Variants in NREP observed in about 807,000 individuals in gnomAD.
The protein encoded by NREP is neuronal regeneration related protein, also known as neuronal regeneration-related protein.
A neutral mutation model predicts 8.6 loss-of-function variants in NREP; 5 were observed. That is an observed-to-expected ratio of 0.58 (90% CI 0.30 to 1.22). The LOEUF (loss-of-function observed/expected upper bound fraction) is 1.22, where lower values mean the gene tolerates loss of function less well. NREP is among the 50% of genes most tolerant of loss of function. NREP has a pLI of 0.07. For missense variants in NREP, 86 were observed against 82.5 expected (o/e 1.04, Z -0.17); for synonymous variants, 27 against 28.0 (o/e 0.96, Z 0.11).
At chr5:111,822,100 A>G (rs1752526065) in intron 2 of NREP, among the ~76,000 whole-genome samples, 1 of 152,218 alleles carries the variant, frequency 6.6e-6, no homozygotes, top group Admixed American at 6.5e-5. Context: ...GGCAAATTCC[A>G]TTTAGTGTGG....
chr5:111,741,434 A>ACT (rs3839287), intron 2 of NREP, among the ~76,000 whole-genome samples: 15,697 of 152,104 alleles, frequency 0.1, 887 homozygotes, highest in East Asian at 0.24. Flanking sequence ...CTCAAAAGCC[A>ACT]CTCTGTTCCC....
intron 2 of NREP, among the ~76,000 whole-genome samples, chr5:111,955,331 C>T (rs975796655): frequency 8.6e-5 from 13 of 151,938 alleles, no homozygotes; most frequent in African/African-American, 3.1e-4. Context: ...AAAATTCACA[C>T]AATGCAGAAG....
chr5:111,742,281 A>C (rs1187903420), intron 2 of NREP, among the ~76,000 whole-genome samples: 1 of 152,148 alleles, frequency 6.6e-6, no homozygotes, highest in Non-Finnish European at 1.5e-5. Flanking sequence ...GCAGACTTTA[A>C]TAGTGGAATC....
intron 2 of NREP, among the ~76,000 whole-genome samples, chr5:111,831,901 T>G (rs889973606): frequency 8.5e-5 from 13 of 152,114 alleles, no homozygotes; most frequent in Non-Finnish European, 1.9e-4. Flanking sequence ...CTTGTGGGGT[T>G]GACATCCCCC....
rs115933619 is a variant in NREP, at chr5:111,888,090, G to A, written c.135+87184C>T. Among the ~76,000 whole-genome samples the A allele has an allele frequency of 6.7e-3, 1,028 of 152,306 alleles. 16 individuals carry two copies. The highest frequency in any genetic ancestry group is 0.024 in the African/African-American group (991 of 41,576). ...GGGATCCTGAAGGCTATAGGTTTGA[G>A]GTGAGGGTCAGCTAAGGCAAGGGGC... On this transcript the variant is annotated intron_variant, in intron 2 of 3. Coordinates refer to the NREP transcript ENST00000395634.
upstream of NREP, chr5:111,758,211 C>G (rs948838777): frequency 1.0e-6 from 1 of 985,448 alleles, no homozygotes; most frequent in Non-Finnish European, 1.2e-6. Context: ...GGTCCTGTGG[C>G]TGCGCGTGCA....
At chr5:111,845,007 C>T (rs950603839) in intron 2 of NREP, among the ~76,000 whole-genome samples, 1 of 152,026 alleles carries the variant, frequency 6.6e-6, no homozygotes, top group African/African-American at 2.4e-5. Flanking sequence ...CAGAACTGGT[C>T]TCTGGGACTC....
At chr5:111,778,974 C>G (rs1361523187) in intron 2 of NREP, among the ~76,000 whole-genome samples, 1 of 152,064 alleles carries the variant, frequency 6.6e-6, no homozygotes, top group African/African-American at 2.4e-5. Context: ...AGAAGAACAT[C>G]TTGTAGCAAC....
intron 2 of NREP, among the ~76,000 whole-genome samples, chr5:111,888,565 G>T (rs931882046): frequency 6.6e-6 from 1 of 152,152 alleles, no homozygotes; most frequent in African/African-American, 2.4e-5. Context: ...GACATGTGGG[G>T]ATTACGGAGA....
In NREP at chr5:111,908,933, G is replaced by C. The variant is rs150032037; in HGVS notation, c.135+66341C>G. Among the ~76,000 whole-genome samples the C allele has an allele frequency of 2.7e-3, 413 of 152,144 alleles. 3 individuals are homozygous for C. Among genetic ancestry groups the C allele is most frequent in the African/African-American group, 9.3e-3 (386 of 41,534 alleles). ...ATAATAGCCATTCTGATTGGTGTGA[G>C]TTGGTATCTCACTGTGGTTTTGATT... On this transcript the variant is annotated intron_variant, in intron 2 of 3. Coordinates refer to the NREP transcript ENST00000395634.
chr5:111,793,933 G>T (rs1182888136), intron 2 of NREP, among the ~76,000 whole-genome samples: 1 of 152,148 alleles, frequency 6.6e-6, no homozygotes, highest in East Asian at 1.9e-4. Context: ...GCATATGCCT[G>T]TAGTCCCCCA....
At chr5:111,876,056 C>G (rs1174077635) in intron 2 of NREP, among the ~76,000 whole-genome samples, 1 of 152,156 alleles carries the variant, frequency 6.6e-6, no homozygotes, top group Admixed American at 6.5e-5. Context: ...GTGCATACCC[C>G]CATCTTTAAT....
rs1395231909 is a variant in NREP at position 111,905,385 on chromosome 5, C to T, written c.135+69889G>A. ...TCCTTGCAGATATTTGGTGTCATCACCATTTTGGATTTTTTAAATAAGTAT... is the reference window on the plus strand; with the variant it reads ...TCCTTGCAGATATTTGGTGTCATCATCATTTTGGATTTTTTAAATAAGTAT... On this transcript the variant is annotated intron_variant, in intron 2 of 3. Transcript: ENST00000395634. Among the ~76,000 whole-genome samples, 3 of 152,192 alleles carry T rather than the reference C, an allele frequency of 2.0e-5. No individual in the cohort carries two copies. The East Asian group carries it at 5.8e-4, about 29-fold the overall frequency.
At chr5:111,823,456 G>C (rs1752553865) in intron 2 of NREP, among the ~76,000 whole-genome samples, 1 of 152,098 alleles carries the variant, frequency 6.6e-6, no homozygotes, top group Non-Finnish European at 1.5e-5. Context: ...TTTAATTAAA[G>C]TACTCATATA....
chr5:111,922,699 G>A (rs960571153), intron 2 of NREP, among the ~76,000 whole-genome samples: 1 of 152,172 alleles, frequency 6.6e-6, no homozygotes, highest in Non-Finnish European at 1.5e-5. Flanking sequence ...TTCCCTAGAT[G>A]AAAAGTTTGG....
intron 2 of NREP, among the ~76,000 whole-genome samples, chr5:111,934,101 G>T (rs1428817892): frequency 3.0e-4 from 46 of 152,062 alleles, no homozygotes; most frequent in Admixed American, 3.0e-3. Context: ...ATGAGCAGGT[G>T]CAGGGTCTAC....
At chr5:111,860,361 T>C (rs925444018) in intron 2 of NREP, among the ~76,000 whole-genome samples, 3 of 152,164 alleles carry the variant, frequency 2.0e-5, no homozygotes, top group African/African-American at 7.2e-5. Flanking sequence ...ATTTCTTCCA[T>C]TTATGCCTTT....
intron 2 of NREP, among the ~76,000 whole-genome samples, chr5:111,780,656 T>C (rs913612658): frequency 2.0e-5 from 3 of 152,208 alleles, no homozygotes; most frequent in African/African-American, 7.2e-5. Flanking sequence ...TGGTAGAGAA[T>C]AGGGAAATAA....
At chr5:111,971,690 G>A (rs966947855) in intron 2 of NREP, among the ~76,000 whole-genome samples, 2 of 152,160 alleles carry the variant, frequency 1.3e-5, no homozygotes, top group African/African-American at 2.4e-5. Context: ...AATGAAATTA[G>A]ACCCTTATTT....
Sources: gnomAD v4.1 joint callset for allele counts (sites outside exome capture counted in the v4.1 genomes callset) on GRCh38, gnomAD v4.1.1 for gene constraint, MANE v1.5 for transcripts, NCBI Gene and HGNC (gene_info 2026-07-23, HGNC 2026-07-21) for gene names.